Variants in CWH43 observed in about 807,000 individuals in gnomAD.
The protein encoded by CWH43 is cell wall biogenesis 43 C-terminal homolog, also known as PGAP2-interacting protein.
In CWH43, 91 loss-of-function variants were observed where a neutral mutation model predicts 85.7. That is an observed-to-expected ratio of 1.06 (90% CI 0.90 to 1.26). CWH43 has a LOEUF of 1.26. CWH43 is among the 50% of genes most tolerant of loss of function. The pLI, the probability that CWH43 is intolerant of heterozygous loss-of-function variation, is 0.00. For synonymous variants in CWH43, 323 were observed against 293.6 expected (o/e 1.10, Z -1.02); for missense variants, 869 against 839.2 (o/e 1.04, Z -0.44).
In CWH43 at chr4:49,030,806, CTTT is replaced by C; in HGVS notation, c.1373-11_1373-9del. The C allele has an allele frequency of 7.1e-7, 1 of 1,403,314 alleles. No homozygotes were observed. Among genetic ancestry groups the C allele is most frequent in the Non-Finnish European group, 9.6e-7 (1 of 1,042,184 alleles). The allele number at this position is 1,403,314 out of a possible 1,614,324, so 86.9% of individuals were successfully genotyped here. ...TGCTGTGATTCATCACTGTATGCTA[CTTT>C]TTTTTTTCTGAACAGGTGCAGATTT... On this transcript the variant is annotated splice_polypyrimidine_tract_variant and intron_variant, in intron 10 of 15. Transcript: ENST00000226432.
At chr4:48,989,557 G>A (rs1782594047) in intron 2 of CWH43, among the ~76,000 whole-genome samples, 2 of 152,238 alleles carry the variant, frequency 1.3e-5, no homozygotes, top group Non-Finnish European at 2.9e-5. Context: ...TCAGAGCAGT[G>A]AGTTCTGTGG....
At chr4:49,044,891 T>A in intron 14 of CWH43, 44 bp downstream of exon 14, 1 of 1,513,678 alleles carries the variant, frequency 6.6e-7, no homozygotes, top group Non-Finnish European at 9.1e-7. Flanking sequence ...ATTATTAATG[T>A]GATCTTTTGG....
At chr4:49,049,192 G>A (rs1208716448) in intron 14 of CWH43, among the ~76,000 whole-genome samples, 2 of 152,186 alleles carry the variant, frequency 1.3e-5, no homozygotes, top group Non-Finnish European at 2.9e-5. Context: ...CCCAGACAAT[G>A]CATTAAGCTG....
chr4:49,013,149 C>G (rs1783421050), intron 8 of CWH43, among the ~76,000 whole-genome samples: 1 of 152,254 alleles, frequency 6.6e-6, no homozygotes, highest in African/African-American at 2.4e-5. Flanking sequence ...GGGCTCCACC[C>G]TGTTCCAGCT....
chr4:49,027,912 G>A (rs1783966866), intron 9 of CWH43, among the ~76,000 whole-genome samples: 1 of 152,118 alleles, frequency 6.6e-6, no homozygotes, highest in South Asian at 2.1e-4. Context: ...CACGACCTAA[G>A]AGAGGACCTT....
intron 9 of CWH43, 104 bp from the exon 10 acceptor site, chr4:49,028,525 T>C (rs1783991104): frequency 1.5e-6 from 1 of 660,254 alleles, no homozygotes; most frequent in Non-Finnish European, 2.6e-6. Context: ...AGGAAATTCC[T>C]TTGCTGAAAT....
intron 15 of CWH43, among the ~76,000 whole-genome samples, chr4:49,059,120 A>T (rs747381650): frequency 2.0e-5 from 3 of 152,140 alleles, no homozygotes; most frequent in Non-Finnish European, 4.4e-5. Flanking sequence ...ATGATGACCT[A>T]TAATTTCTGT....
chr4:49,006,582 A>G (rs1360139471), intron 7 of CWH43, among the ~76,000 whole-genome samples: 1 of 152,176 alleles, frequency 6.6e-6, no homozygotes, highest in African/African-American at 2.4e-5. Flanking sequence ...TCCATATGGC[A>G]GCATATCTCT....
At chr4:49,057,198 C>T (rs137933260) in intron 15 of CWH43, among the ~76,000 whole-genome samples, 31 of 152,250 alleles carry the variant, frequency 2.0e-4, no homozygotes, top group East Asian at 7.7e-4. Context: ...GAGGTCCTGA[C>T]GACATGTGCC....
At position 48,994,815 on chromosome 4, in the gene CWH43, A is replaced by C. The variant is rs745461380; in HGVS notation, c.708A>C (p.Pro236=). 6 of 1,613,706 alleles carry C rather than the reference A, an allele frequency of 3.7e-6. No homozygotes were observed. The highest frequency in any genetic ancestry group is 5.1e-6 in the Non-Finnish European group (6 of 1,179,972). The change falls in exon 5 of 16, where the codon CCA becomes CCC. Residue 236 remains proline (P), a synonymous_variant. Coordinates refer to ENST00000226432, the MANE Select transcript of CWH43 (RefSeq NM_025087.3). ...GHPHPGPDPN[P]FGGAVLLCLA... is the part of the protein sequence containing the mutation. Reference sequence around the variant, plus strand: ...CACATCCAGGGCCAGATCCTAACCCATTTGGGTGAGTTTGGGTTTGGAAGC... The same window carrying C: ...CACATCCAGGGCCAGATCCTAACCCCTTTGGGTGAGTTTGGGTTTGGAAGC...
intron 14 of CWH43, 137 bp downstream of exon 14, chr4:49,044,984 A>T (rs1308640004): frequency 4.6e-6 from 3 of 651,872 alleles, no homozygotes; most frequent in Admixed American, 2.8e-5. Context: ...GTTTATAAAC[A>T]TTGATTTGAC....
At chr4:49,011,336 C>T (rs1341957816) in intron 8 of CWH43, among the ~76,000 whole-genome samples, 1 of 151,920 alleles carries the variant, frequency 6.6e-6, no homozygotes, top group African/African-American at 2.4e-5. Context: ...CTTGGTAGAT[C>T]TTCCTCCATC....
At chr4:49,014,036 TTA>T (rs1783450782) in intron 8 of CWH43, among the ~76,000 whole-genome samples, 1 of 152,170 alleles carries the variant, frequency 6.6e-6, no homozygotes, top group African/African-American at 2.4e-5. Context: ...AGACAAAATA[TTA>T]TAGTGTAAAG....
chr4:49,020,416 C>CACACACACACACACACACATAT (rs140534523), intron 9 of CWH43, among the ~76,000 whole-genome samples: 2,552 of 128,168 alleles, frequency 0.02, 63 homozygotes, highest in Non-Finnish European at 0.029. Context: ...CACACACACA[C>CACACACACACACACACACATAT]ATATATATAT....
chr4:49,061,930 GA>G lies in CWH43; in HGVS notation c.*47del, dbSNP rs543253772. On this transcript the variant is annotated 3_prime_UTR_variant, in exon 16 of 16. Transcript: ENST00000226432. ...GAAGTTATTGGCTGGGAAAATCTAA[GA>G]AAAAAAGTATGTAAGATAAAAAGAA... 116 of 1,273,760 alleles carry G rather than the reference GA, an allele frequency of 9.1e-5. No individual in the cohort carries two copies. In the African/African-American group the frequency reaches 1.3e-3, roughly 14 times the overall value. The allele number at this position is 1,273,760 out of a possible 1,614,324, so 78.9% of individuals were successfully genotyped here.
intron 5 of CWH43, among the ~76,000 whole-genome samples, chr4:48,995,338 C>A (rs1782779683): frequency 6.6e-6 from 1 of 152,320 alleles, no homozygotes; most frequent in Middle Eastern, 3.4e-3. Context: ...CAGGGTCACA[C>A]AGGGAGTTAG....
At chr4:48,991,059 A>G (rs1203991806) in intron 2 of CWH43, among the ~76,000 whole-genome samples, 11 of 152,312 alleles carry the variant, frequency 7.2e-5, no homozygotes, top group Admixed American at 4.6e-4. Flanking sequence ...ATTTAATATG[A>G]AGTGCCCAGA....
At chr4:49,032,425 G>A (rs1784125764) in intron 11 of CWH43, 141 bp from the exon 12 acceptor site, 2 of 859,750 alleles carry the variant, frequency 2.3e-6, no homozygotes, top group Non-Finnish European at 3.7e-6. Context: ...TGCCATATAA[G>A]TCTCTGCCGC....
rs762343467 is a variant in CWH43, at chr4:48,998,518, C to T, written c.772C>T (p.Arg258Cys). 70 of 1,613,684 alleles carry T rather than the reference C, an allele frequency of 4.3e-5. No individual in the cohort carries two copies. Among genetic ancestry groups the T allele is most frequent in the African/African-American group, 8.0e-5 (6 of 74,858 alleles). Residue 258 changes from arginine (R) to cysteine (C), a missense_variant, in exon 6 of 16, where the codon CGT becomes TGT. By Grantham distance (180) the Arg-to-Cys change is radical. Around this residue, in one of 3 missense-constraint regions of CWH43, gnomAD observed 152 missense variants for 203.6 expected, o/e 0.75. Coordinates refer to ENST00000226432, the MANE Select transcript of CWH43 (RefSeq NM_025087.3). Reference sequence around the variant, plus strand: ...GATGCTTCCATCTTGTTTGTGGTTTCGTGGTACTGGTTTGATCTGGTGGGT... The same window carrying T: ...GATGCTTCCATCTTGTTTGTGGTTTTGTGGTACTGGTTTGATCTGGTGGGT... ...GLMLPSCLWFRGTGLIWWVTG... is the reference protein window; with the variant it reads ...GLMLPSCLWFCGTGLIWWVTG...
Sources: gnomAD v4.1 joint callset for allele counts (sites outside exome capture counted in the v4.1 genomes callset) on GRCh38, gnomAD v4.1.1 for gene constraint, gnomAD v4.1.1 regional missense constraint, MANE v1.5 for transcripts, NCBI Gene and HGNC (gene_info 2026-07-23, HGNC 2026-07-21) for gene names.